Variants in RBM46 observed in about 807,000 individuals in gnomAD.
RBM46 encodes the protein RNA binding motif protein 46.
A neutral mutation model predicts 43.3 loss-of-function variants in RBM46; 12 were observed. That is an observed-to-expected ratio of 0.28 (90% CI 0.18 to 0.45). RBM46 has a LOEUF of 0.45. RBM46 is among the 20% of genes least tolerant of loss of function. The probability of loss-of-function intolerance (pLI) is 1.00; values close to 1 mark genes in which losing one functional copy is unlikely to be tolerated. For synonymous variants in RBM46, 205 were observed against 207.6 expected (o/e 0.99, Z 0.11); for missense variants, 412 against 639.1 (o/e 0.64, Z 3.83).
At chr4:154,786,720 A>C (rs1733789543) in intron 1 of RBM46, among the ~76,000 whole-genome samples, 1 of 152,012 alleles carries the variant, frequency 6.6e-6, no homozygotes, top group Admixed American at 6.6e-5. Flanking sequence ...CGAGGTCAGG[A>C]GTTCAAGACA....
intron 4 of RBM46, among the ~76,000 whole-genome samples, chr4:154,816,994 A>C (rs1735475729): frequency 6.6e-6 from 1 of 152,100 alleles, no homozygotes; most frequent in Non-Finnish European, 1.5e-5. Context: ...TGTTACATGA[A>C]TCTTATTTCC....
At chr4:154,809,165 AT>A (rs1009130740) in intron 4 of RBM46, among the ~76,000 whole-genome samples, 10 of 151,786 alleles carry the variant, frequency 6.6e-5, no homozygotes, top group African/African-American at 2.4e-4. Context: ...ACTTTTATTG[AT>A]TTTTTTATAT....
chr4:154,791,761 A>G (rs1734106670), intron 1 of RBM46, among the ~76,000 whole-genome samples: 2 of 152,202 alleles, frequency 1.3e-5, no homozygotes, highest in South Asian at 4.1e-4. Flanking sequence ...CTTTGTGGCA[A>G]TATTATAAAG....
At chr4:154,792,551 CT>C (rs1352604656) in intron 1 of RBM46, among the ~76,000 whole-genome samples, 2 of 152,134 alleles carry the variant, frequency 1.3e-5, no homozygotes, top group African/African-American at 4.8e-5. Flanking sequence ...AGGCTAGACC[CT>C]TTTCAATGTC....
chr4:154,827,403 C>A, intron 4 of RBM46: 2 of 987,350 alleles, frequency 2.0e-6, no homozygotes, highest in Non-Finnish European at 2.4e-6. Context: ...CTAGTTTATA[C>A]CAAATGTTTT....
rs1170973107 is a variant in RBM46, at chr4:154,810,363, A to T, written c.1402+10799A>T. On this transcript the variant is annotated intron_variant, in intron 4 of 4. Coordinates refer to ENST00000281722, the MANE Select transcript of RBM46 (RefSeq NM_144979.5). ...TGTTTTGGTTGCTTTTGGGCACCAC[A>T]ATTTAATTCAACCTTGACAACTTGG... Among the ~76,000 whole-genome samples, 3 of 152,288 alleles carry T rather than the reference A, an allele frequency of 2.0e-5. No homozygotes were observed. In the East Asian group the frequency reaches 5.8e-4, roughly 29 times the overall value.
At position 154,825,181 on chromosome 4, in the gene RBM46, T is replaced by C. The variant is rs144383367; in HGVS notation, c.1403-2687T>C. The stretch of plus-strand genomic sequence containing the variant: ...AGTGGGATTGAAGAGCTAAGGATGT[T>C]AATTGGGAAGAAAAACTAGGGGTGG... On this transcript the variant is annotated intron_variant, in intron 4 of 4. Coordinates refer to ENST00000281722, the MANE Select transcript of RBM46 (RefSeq NM_144979.5). Among the ~76,000 whole-genome samples the C allele has an allele frequency of 3.3e-5, 5 of 152,248 alleles. No individual in the cohort carries two copies. In the East Asian group the frequency reaches 7.7e-4, roughly 24 times the overall value.
intron 4 of RBM46, among the ~76,000 whole-genome samples, chr4:154,810,017 T>C (rs1158626320): frequency 6.6e-6 from 1 of 152,074 alleles, no homozygotes; most frequent in African/African-American, 2.4e-5. Context: ...GAGGGAGAAA[T>C]TGGAAAGGAT....
At chr4:154,814,450 G>T (rs1735329047) in intron 4 of RBM46, among the ~76,000 whole-genome samples, 1 of 152,040 alleles carries the variant, frequency 6.6e-6, no homozygotes, top group Non-Finnish European at 1.5e-5. Context: ...ACAGGAAATT[G>T]AGACTCTGCT....
intron 1 of RBM46, among the ~76,000 whole-genome samples, chr4:154,794,289 T>G (rs1734241923): frequency 6.6e-6 from 1 of 151,288 alleles, no homozygotes; most frequent in African/African-American, 2.4e-5. Context: ...CTTGCCTTTC[T>G]CCTGCCTCAG....
At chr4:154,827,754 T>C in intron 4 of RBM46, 114 bp from the exon 5 acceptor site, 1 of 1,539,386 alleles carries the variant, frequency 6.5e-7, no homozygotes, top group Non-Finnish European at 8.7e-7. Flanking sequence ...CATCAAGATT[T>C]CCAGTGTTAG....
rs77594898 is a variant in RBM46 at position 154,811,479 on chromosome 4, A to G, written c.1402+11915A>G. Reference sequence around the variant, plus strand: ...ACATTCCCTTTTATATATACTAAGTACCATGTAAATAGTGAAGAATAATTA... The same window carrying G: ...ACATTCCCTTTTATATATACTAAGTGCCATGTAAATAGTGAAGAATAATTA... On this transcript the variant is annotated intron_variant, in intron 4 of 4. Transcript: ENST00000281722. Among the ~76,000 whole-genome samples, 791 of 152,310 alleles carry G rather than the reference A, an allele frequency of 5.2e-3. 8 individuals are homozygous for G. The highest frequency in any genetic ancestry group is 0.018 in the African/African-American group (748 of 41,576).
chr4:154,822,411 G>T (rs1735759903), intron 4 of RBM46, among the ~76,000 whole-genome samples: 1 of 151,266 alleles, frequency 6.6e-6, no homozygotes, highest in Admixed American at 6.6e-5. Context: ...TGCTTATTTA[G>T]CTCTTGATTT....
At chr4:154,822,439 A>T (rs1019530323) in intron 4 of RBM46, among the ~76,000 whole-genome samples, 1 of 151,730 alleles carries the variant, frequency 6.6e-6, no homozygotes, top group Non-Finnish European at 1.5e-5. Flanking sequence ...TAGAATAGAA[A>T]GTACAAAATA....
In RBM46 at chr4:154,799,473, T is replaced by C. The variant is rs764776130; in HGVS notation, c.1311T>C (p.Asn437=). The C allele has an allele frequency of 7.4e-6, 12 of 1,613,608 alleles. No homozygotes were observed. The Admixed American group carries it at 1.8e-4, about 25-fold the overall frequency. The change falls in exon 4 of 5, where the codon AAT becomes AAC. Residue 437 remains asparagine (N), a synonymous_variant. Coordinates refer to ENST00000281722, the MANE Select transcript of RBM46 (RefSeq NM_144979.5). ...VYKIVIPAIA[N]GSQSYFMPDK... ...AGATAGTTATTCCTGCTATTGCAAA[T>C]GGATCCCAGAGTTACTTCATGCCAG...
intron 1 of RBM46, among the ~76,000 whole-genome samples, chr4:154,784,551 T>G (rs1311858455): frequency 3.9e-5 from 6 of 152,220 alleles, no homozygotes; most frequent in African/African-American, 1.2e-4. Flanking sequence ...TTCCTTCTAT[T>G]TTTTCTTTTG....
intron 4 of RBM46, among the ~76,000 whole-genome samples, chr4:154,801,551 G>A (rs1734640788): frequency 6.6e-6 from 1 of 152,170 alleles, no homozygotes; most frequent in Admixed American, 6.5e-5. Context: ...TTATTTTGGA[G>A]TGGGATGTAA....
chr4:154,796,528 C>G (rs1189562044), intron 1 of RBM46, among the ~76,000 whole-genome samples: 1 of 152,074 alleles, frequency 6.6e-6, no homozygotes, highest in East Asian at 1.9e-4. Flanking sequence ...CTTAGGCCTT[C>G]TAAAGGTACT....
intron 1 of RBM46, chr4:154,787,162 C>T (rs1733817675): frequency 6.6e-6 from 1 of 152,022 alleles, no homozygotes; most frequent in South Asian, 2.1e-4. Context: ...AGTATGTGTT[C>T]TTACCAGTTT....
Sources: gnomAD v4.1 joint callset for allele counts (sites outside exome capture counted in the v4.1 genomes callset) on GRCh38, gnomAD v4.1.1 for gene constraint, MANE v1.5 for transcripts, NCBI Gene and HGNC (gene_info 2026-07-23, HGNC 2026-07-21) for gene names.